Variants in SGCD observed in about 807,000 individuals in gnomAD.
The protein encoded by SGCD is delta-sarcoglycan.
SGCD carries 18 observed loss-of-function variants against 36.6 expected under a neutral mutation model. That is an observed-to-expected ratio of 0.49 (90% CI 0.34 to 0.73). SGCD has a LOEUF of 0.73. Ranked by LOEUF, SGCD falls within the 30% of genes least tolerant of loss-of-function variation. The pLI, the probability that SGCD is intolerant of heterozygous loss-of-function variation, is 0.01. For missense variants in SGCD, 387 were observed against 346.7 expected, an observed-to-expected ratio of 1.12 and a Z score of -0.92; for synonymous variants, 133 against 130.6, an observed-to-expected ratio of 1.02 and a Z score of -0.12.
chr5:155,831,605 A>G, the SGCD span, among the ~76,000 whole-genome samples: 1 of 152,200 alleles, frequency 6.6e-6, no homozygotes, highest in Non-Finnish European at 1.5e-5. Context: ...TGCAAATTGA[A>G]TTGCTTTCTC....
chr5:156,689,390 C>T (rs1319675536), intron 7 of SGCD, among the ~76,000 whole-genome samples: 1 of 152,126 alleles, frequency 6.6e-6, no homozygotes, highest in Non-Finnish European at 1.5e-5. Context: ...CTCAAAATGT[C>T]AGCCTTTATA....
intron 7 of SGCD, among the ~76,000 whole-genome samples, chr5:156,757,343 T>C (rs533744665): frequency 1.5e-5 from 2 of 137,886 alleles, no homozygotes; most frequent in Admixed American, 1.5e-4. Flanking sequence ...GGATATAAGA[T>C]CAAGTGAAAC....
At chr5:156,560,599 G>A (rs1759227830) in intron 4 of SGCD, among the ~76,000 whole-genome samples, 1 of 152,150 alleles carries the variant, frequency 6.6e-6, no homozygotes, top group African/African-American at 2.4e-5. Flanking sequence ...GATTCAGATG[G>A]AATTTACAAC....
At chr5:156,050,464 AC>A (rs1337426068) in intron 1 of SGCD, among the ~76,000 whole-genome samples, 1 of 146,798 alleles carries the variant, frequency 6.8e-6, no homozygotes, top group African/African-American at 2.5e-5. Flanking sequence ...GTACTAGGAA[AC>A]CAAAAAATTC....
At chr5:156,599,134 A>C (rs1761061390) in intron 6 of SGCD, among the ~76,000 whole-genome samples, 1 of 152,218 alleles carries the variant, frequency 6.6e-6, no homozygotes, top group Admixed American at 6.5e-5. Flanking sequence ...GCTTCTTATC[A>C]GCTGGGATTC....
chr5:156,062,206 G>C (rs1316860396), intron 1 of SGCD, among the ~76,000 whole-genome samples: 1 of 77,374 alleles, frequency 1.3e-5, no homozygotes, highest in Non-Finnish European at 2.2e-5. Context: ...TCTTGCGATA[G>C]TTTACTGAGA....
chr5:156,147,721 T>A (rs79213747), intron 3 of SGCD, among the ~76,000 whole-genome samples: 2,182 of 152,308 alleles, frequency 0.014, 25 homozygotes, highest in Non-Finnish European at 0.024. Context: ...TTAAATCTCC[T>A]ACAAAATCTA....
chr5:155,966,290 T>G (rs1209797970), intron 1 of SGCD, among the ~76,000 whole-genome samples: 1 of 152,126 alleles, frequency 6.6e-6, no homozygotes, highest in Non-Finnish European at 1.5e-5. Flanking sequence ...AAGCAAATTT[T>G]GATTTGATGT....
At chr5:156,437,660 G>A (rs1580992276) in intron 3 of SGCD, among the ~76,000 whole-genome samples, 1 of 152,204 alleles carries the variant, frequency 6.6e-6, no homozygotes, top group African/African-American at 2.4e-5. Flanking sequence ...GGTAACAGAT[G>A]GACAAGACTG....
intron 1 of SGCD, among the ~76,000 whole-genome samples, chr5:155,982,735 C>G (rs1758253190): frequency 6.6e-6 from 1 of 152,190 alleles, no homozygotes; most frequent in African/African-American, 2.4e-5. Flanking sequence ...TCTGAGCCCT[C>G]AGCTACGATA....
intron 1 of SGCD, among the ~76,000 whole-genome samples, chr5:156,328,767 T>TG (rs1168951777): frequency 8.4e-6 from 1 of 118,844 alleles, no homozygotes; most frequent in Non-Finnish European, 1.8e-5. Context: ...TGGGGTGGTG[T>TG]GGGGAGGGTT....
the SGCD span, among the ~76,000 whole-genome samples, chr5:155,755,506 T>C: frequency 1.3e-5 from 2 of 152,242 alleles, no homozygotes; most frequent in East Asian, 3.8e-4. Flanking sequence ...AATCAGAATA[T>C]TACCCAGCAT....
chr5:156,273,274 T>G (rs1248153820), intron 3 of SGCD, among the ~76,000 whole-genome samples: 1 of 152,216 alleles, frequency 6.6e-6, no homozygotes, highest in Non-Finnish European at 1.5e-5. Context: ...ATAATTGCTG[T>G]GCTTGTAGTG....
chr5:156,474,896 A>G (rs1375448785), intron 3 of SGCD, among the ~76,000 whole-genome samples: 1 of 152,202 alleles, frequency 6.6e-6, no homozygotes, highest in Non-Finnish European at 1.5e-5. Context: ...ATAAACTGCT[A>G]TAAGCCTTGG....
At chr5:155,923,938 G>T (rs140639470) in intron 1 of SGCD, among the ~76,000 whole-genome samples, 1 of 152,192 alleles carries the variant, frequency 6.6e-6, no homozygotes, top group Admixed American at 6.5e-5. Flanking sequence ...CACTGTGGGT[G>T]TGAAAGGGTC....
At chr5:155,916,479 G>A (rs1400669943) in intron 1 of SGCD, among the ~76,000 whole-genome samples, 1 of 152,156 alleles carries the variant, frequency 6.6e-6, no homozygotes, top group Non-Finnish European at 1.5e-5. Context: ...ATGGCCTGGG[G>A]TAGTCTTGTT....
chr5:156,450,262 A>G (rs1004846366), intron 3 of SGCD, among the ~76,000 whole-genome samples: 1 of 152,008 alleles, frequency 6.6e-6, no homozygotes, highest in African/African-American at 2.4e-5. Context: ...AAAACAGCCA[A>G]TTTTTCATGT....
Position 156,569,203 on chromosome 5 carries a change from C to T in SGCD, c.295-20028C>T, listed in dbSNP as rs148994652. 3.9e-5 allele frequency among the ~76,000 whole-genome samples: 6 copies of T among 152,188 alleles called. No homozygotes were observed. In the East Asian group the frequency reaches 5.8e-4, roughly 15 times the overall value. On this transcript the variant is annotated intron_variant, in intron 4 of 8. Transcript: ENST00000337851. Reference sequence around the variant, plus strand: ...AAAATATTTTTGTACCCACCATGTACGAGACACTTGTATGCACTGGGGATG... The same window carrying T: ...AAAATATTTTTGTACCCACCATGTATGAGACACTTGTATGCACTGGGGATG...
chr5:156,696,080 C>T (rs1754308006), intron 7 of SGCD, among the ~76,000 whole-genome samples: 1 of 152,144 alleles, frequency 6.6e-6, no homozygotes, highest in African/African-American at 2.4e-5. Flanking sequence ...TCTAGGATGC[C>T]CCTCACCTTG....
Sources: allele counts gnomAD v4.1 joint callset (sites outside exome capture counted in the v4.1 genomes callset), GRCh38; gene constraint gnomAD v4.1.1; transcripts MANE v1.5; gene names NCBI Gene and HGNC (gene_info 2026-07-23, HGNC 2026-07-21).